The following ITGA6 variants were observed in gnomAD, a reference collection of about 807,000 sequenced individuals.
ITGA6 encodes integrin subunit alpha 6.
A neutral mutation model predicts 133.6 loss-of-function variants in ITGA6; 63 were observed. The ratio of observed to expected loss-of-function variants is 0.47; its 90% CI spans 0.38 to 0.58. The LOEUF is 0.58. ITGA6 is among the 20% of genes least tolerant of loss of function. ITGA6 has a pLI of 0.00. For synonymous variants in ITGA6, 434 were observed against 482.0 expected (o/e 0.90, Z 1.30); for missense variants, 1,068 against 1,309.4 (o/e 0.82, Z 2.85).
rs761771076 is a variant in ITGA6, at chr2:172,474,271, A to G, written c.986+6A>G. The G allele has an allele frequency of 3.1e-6, 5 of 1,611,938 alleles. No individual in the cohort carries two copies. Among genetic ancestry groups the G allele is most frequent in the Non-Finnish European group, 3.4e-6 (4 of 1,178,176 alleles). On this transcript the variant is annotated splice_donor_region_variant and intron_variant, in intron 6 of 25. Transcript: ENST00000684293. Reference sequence around the variant, plus strand: ...GTGGACCTCAACAAGGATGGGTGAGAAAGCCTCAGGTTATATTATGCTGCA... The same window carrying G: ...GTGGACCTCAACAAGGATGGGTGAGGAAGCCTCAGGTTATATTATGCTGCA...
At chr2:172,474,643 T>C (rs1686086406) in intron 6 of ITGA6, among the ~76,000 whole-genome samples, 1 of 152,226 alleles carries the variant, frequency 6.6e-6, no homozygotes, top group South Asian at 2.1e-4. Flanking sequence ...AACAGATATG[T>C]GGCTGTTGGT....
At chr2:172,497,914 A>T in intron 23 of ITGA6, 61 bp from the exon 24 acceptor site, 1 of 1,595,782 alleles carries the variant, frequency 6.3e-7, no homozygotes, top group South Asian at 1.1e-5. Context: ...AGAACCATAA[A>T]CTCCTGGTGT....
intron 1 of ITGA6, among the ~76,000 whole-genome samples, chr2:172,435,541 A>G (rs965799135): frequency 2.0e-5 from 3 of 152,062 alleles, no homozygotes; most frequent in Non-Finnish European, 4.4e-5. Flanking sequence ...TTTTCCAATC[A>G]AAGGTGCTGA....
chr2:172,471,216 G>A (rs1043829069), intron 5 of ITGA6, 111 bp downstream of exon 5: 2 of 1,262,598 alleles, frequency 1.6e-6, no homozygotes, highest in African/African-American at 1.5e-5. Flanking sequence ...GAGGCCAGGT[G>A]GGGCCGGGCC....
At chr2:172,430,722 A>G (rs1030148034) in intron 1 of ITGA6, among the ~76,000 whole-genome samples, 12 of 152,346 alleles carry the variant, frequency 7.9e-5, no homozygotes, top group Admixed American at 5.9e-4. Context: ...AGTAGATACC[A>G]TAAACTTCAT....
chr2:172,435,509 ATAGG>A (rs1426177190), intron 1 of ITGA6, among the ~76,000 whole-genome samples: 1 of 151,870 alleles, frequency 6.6e-6, no homozygotes, highest in Non-Finnish European at 1.5e-5. Context: ...GAGATTAGAG[ATAGG>A]TAGGAAAAAG....
At chr2:172,436,651 C>T (rs3934627) in intron 1 of ITGA6, among the ~76,000 whole-genome samples, 23,095 of 152,106 alleles carry the variant, frequency 0.15, 2,378 homozygotes, top group East Asian at 0.52. Context: ...TGTCTGTATT[C>T]GAACATGCAG....
At chr2:172,437,588 T>C (rs1242207835) in intron 1 of ITGA6, among the ~76,000 whole-genome samples, 1 of 151,906 alleles carries the variant, frequency 6.6e-6, no homozygotes, top group Non-Finnish European at 1.5e-5. Flanking sequence ...AGGTTTGGAG[T>C]GTCTAGACAG....
chr2:172,446,622 C>A (rs981692547), intron 1 of ITGA6, among the ~76,000 whole-genome samples: 2 of 152,192 alleles, frequency 1.3e-5, no homozygotes, highest in Non-Finnish European at 2.9e-5. Flanking sequence ...GGAAAACTCA[C>A]TAGAGATTGG....
At chr2:172,477,843 A>G (rs1686245090) in intron 9 of ITGA6, among the ~76,000 whole-genome samples, 1 of 152,178 alleles carries the variant, frequency 6.6e-6, no homozygotes. Flanking sequence ...TAGCACCTAA[A>G]TCTTCCTGAC....
In ITGA6 at chr2:172,504,109, T is replaced by C; in HGVS notation, c.*41T>C. On this transcript the variant is annotated 3_prime_UTR_variant, in exon 26 of 26. Transcript: ENST00000684293. Reference sequence around the variant, plus strand: ...TCTCTAGTGTGGATTCTTTAAACGCTCTAGGTACGATGACAGTGTTCCCCG... The same window carrying C: ...TCTCTAGTGTGGATTCTTTAAACGCCCTAGGTACGATGACAGTGTTCCCCG... The C allele has an allele frequency of 6.3e-7, 1 of 1,595,696 alleles. No homozygotes were observed. The highest frequency in any genetic ancestry group is 1.1e-5 in the South Asian group (1 of 87,448).
chr2:172,491,561 G>A lies in ITGA6; in HGVS notation c.2988+38G>A, dbSNP rs1686930402. 7.4e-7 allele frequency: 1 copy of A among 1,352,608 alleles called. No individual in the cohort carries two copies. Among genetic ancestry groups the A allele is most frequent in the South Asian group, 1.2e-5 (1 of 84,832 alleles). The allele number at this position is 1,352,608 out of a possible 1,614,324, so 83.8% of individuals were successfully genotyped here. ...CCAGCTTCATTCAGGTTCAGAACAT[G>A]TCTCTTTTCCCTGTACCCCACACTC... On this transcript the variant is annotated intron_variant, in intron 23 of 25. Coordinates refer to ENST00000684293, the MANE Select transcript of ITGA6 (RefSeq NM_000210.4). This position sits in a 1 kb window ranked among gnomAD's most constrained non-coding sequence, Gnocchi z 4.4.
At chr2:172,445,533 C>G (rs1684728499) in intron 1 of ITGA6, among the ~76,000 whole-genome samples, 1 of 151,008 alleles carries the variant, frequency 6.6e-6, no homozygotes, top group South Asian at 2.1e-4. Context: ...CCTGTAGTCC[C>G]AGCTACTCGG....
chr2:172,470,827 A>T, intron 4 of ITGA6, 147 bp from the exon 5 acceptor site: 1 of 757,046 alleles, frequency 1.3e-6, no homozygotes, highest in Non-Finnish European at 2.2e-6. Flanking sequence ...TTTTACAACC[A>T]TAAAAGTCAT....
chr2:172,447,896 G>C (rs188595533), intron 1 of ITGA6, among the ~76,000 whole-genome samples: 11 of 152,258 alleles, frequency 7.2e-5, no homozygotes, highest in African/African-American at 2.2e-4. Context: ...TGAAAGTTGT[G>C]GATGTTAAAA....
chr2:172,465,482 T>A, intron 1 of ITGA6, 57 bp from the exon 2 acceptor site: 1 of 1,601,406 alleles, frequency 6.2e-7, no homozygotes. Context: ...CTGACTGATT[T>A]AACTGTTAAA....
intron 1 of ITGA6, among the ~76,000 whole-genome samples, chr2:172,459,917 C>T (rs766545504): frequency 6.6e-6 from 1 of 152,030 alleles, no homozygotes; most frequent in Non-Finnish European, 1.5e-5. Context: ...CCTGATTTAA[C>T]GCGGGTATGG....
At chr2:172,463,350 G>T (rs945333753) in intron 1 of ITGA6, among the ~76,000 whole-genome samples, 2 of 152,092 alleles carry the variant, frequency 1.3e-5, no homozygotes, top group Non-Finnish European at 2.9e-5. Flanking sequence ...TCTCTTTGCT[G>T]GTGGTTACCT....
intron 2 of ITGA6, chr2:172,465,989 A>G (rs1685655262): frequency 1.5e-5 from 6 of 410,758 alleles, no homozygotes; most frequent in Non-Finnish European, 2.7e-5. Context: ...GAATGAGCGT[A>G]TCTTGTATTC....
Sources: allele counts gnomAD v4.1 joint callset (sites outside exome capture counted in the v4.1 genomes callset), GRCh38; gene constraint gnomAD v4.1.1; non-coding constraint Gnocchi (gnomAD v3.1); transcripts MANE v1.5; gene names NCBI Gene and HGNC (gene_info 2026-07-23, HGNC 2026-07-21).